IARS2: variants seen among roughly 807,000 people sequenced by gnomAD.
IARS2 encodes the protein isoleucine--tRNA ligase, mitochondrial.
A neutral mutation model predicts 126.3 loss-of-function variants in IARS2; 56 were observed. The ratio of observed to expected loss-of-function variants is 0.44; its 90% CI spans 0.36 to 0.55. The LOEUF is 0.55. Ranked by LOEUF, IARS2 falls within the 20% of genes least tolerant of loss-of-function variation. The pLI is 0.00. For missense variants in IARS2, 1,127 were observed against 1,245.9 expected, an observed-to-expected ratio of 0.90 and a Z score of 1.44; for synonymous variants, 407 against 441.1, an observed-to-expected ratio of 0.92 and a Z score of 0.97.
intron 14 of IARS2, among the ~76,000 whole-genome samples, chr1:220,129,913 T>G (rs894175709): frequency 6.6e-6 from 1 of 152,158 alleles, no homozygotes; most frequent in African/African-American, 2.4e-5. Context: ...TGTTTTTAGT[T>G]TTTTGAAAAG....
intron 11 of IARS2, 85 bp from the exon 12 acceptor site, chr1:220,114,229 G>A: frequency 8.0e-7 from 1 of 1,248,976 alleles, no homozygotes; most frequent in Non-Finnish European, 1.2e-6. Flanking sequence ...ACATCCAAAA[G>A]AAACAAATGC....
chr1:220,103,323 T>C, intron 7 of IARS2, 124 bp from the exon 8 acceptor site: 1 of 614,552 alleles, frequency 1.6e-6, no homozygotes, highest in Non-Finnish European at 2.9e-6. Flanking sequence ...GCTGGGATTA[T>C]AGACATGAGC....
chr1:220,111,602 G>A (rs373955033), intron 11 of IARS2, among the ~76,000 whole-genome samples: 141 of 132,954 alleles, frequency 1.1e-3, no homozygotes, highest in African/African-American at 3.3e-3. Flanking sequence ...ATATATATGT[G>A]TGTGTGTGTG....
intron 21 of IARS2, chr1:220,144,068 G>C: frequency 8.1e-7 from 1 of 1,239,332 alleles, no homozygotes; most frequent in Admixed American, 1.7e-5. Context: ...TGGCGGGATG[G>C]AAGCAGATTA....
chr1:220,101,473 A>C (rs978804846), intron 3 of IARS2, among the ~76,000 whole-genome samples: 5 of 152,020 alleles, frequency 3.3e-5, no homozygotes, highest in African/African-American at 9.7e-5. Flanking sequence ...AGGGAGGTGG[A>C]TCGATCACCT....
In IARS2 at chr1:220,132,527, T is replaced by C. The variant is rs544124249; in HGVS notation, c.1838-1875T>C. ...TGTTGTATGTCACCTTTCTCTCTCT[T>C]TTTTTTTTTTTTTTTTGAGATGGAG... On this transcript the variant is annotated intron_variant, in intron 14 of 22. Coordinates refer to ENST00000366922, the MANE Select transcript of IARS2 (RefSeq NM_018060.4). Among the ~76,000 whole-genome samples the C allele has an allele frequency of 6.5e-4, 94 of 144,732 alleles. 1 individual carries two copies. Among genetic ancestry groups the C allele is most frequent in the Admixed American group, 4.2e-3 (61 of 14,540 alleles). 94.9% of individuals were successfully genotyped at this position (144,732 alleles called of 152,430 possible).
chr1:220,113,843 A>G (rs926011502), intron 11 of IARS2, among the ~76,000 whole-genome samples: 71 of 152,166 alleles, frequency 4.7e-4, no homozygotes, highest in African/African-American at 4.8e-4. Context: ...GTTGTAAACT[A>G]TATTATGTAA....
chr1:220,139,168 A>G, intron 18 of IARS2, 29 bp downstream of exon 18: 1 of 1,583,870 alleles, frequency 6.3e-7, no homozygotes, highest in Non-Finnish European at 8.6e-7. Flanking sequence ...ACTTTTGGAA[A>G]CTAGAAATAT....
rs756801026 is a variant in IARS2, at chr1:220,102,708, T to C, written c.881T>C (p.Ile294Thr). 1.2e-6 allele frequency: 2 copies of C among 1,613,176 alleles called. No individual in the cohort carries two copies. The highest frequency in any genetic ancestry group is 1.7e-6 in the Non-Finnish European group (2 of 1,179,108). Residue 294 changes from isoleucine to threonine, a missense_variant, in exon 7 of 23, where the codon ATT (isoleucine) becomes ACT (threonine). Transcript: ENST00000366922. ...SLIDGSSPVS[I>T]LVWTTQPWTI... ...ACAGATGGTTCATCTCCTGTTAGTA[T>C]TTTGGTCTGGACCACACAACCTTGG...
Position 220,138,017 on chromosome 1 carries a change from A to G in IARS2, c.2149A>G (p.Asn717Asp). Residue 717 changes from asparagine to aspartate, a missense_variant, in exon 17 of 23, where the codon AAT becomes GAT. Coordinates refer to ENST00000366922, the MANE Select transcript of IARS2 (RefSeq NM_018060.4). ...TEVAIGPSVL[N>D]AARDDISKLR... ...AGTTGCAATTGGCCCATCCGTGCTC[A>G]ATGCTGCCAGAGATGATATTAGCAA... The G allele has an allele frequency of 6.2e-7, 1 of 1,614,176 alleles. No homozygotes were observed. Among genetic ancestry groups the G allele is most frequent in the Non-Finnish European group, 8.5e-7 (1 of 1,180,014 alleles).
In IARS2 at chr1:220,104,355, G is replaced by T. The variant is rs139500594; in HGVS notation, c.1066+793G>T. Among the ~76,000 whole-genome samples, 1,275 of 152,244 alleles carry T rather than the reference G, an allele frequency of 8.4e-3. 8 individuals carry two copies. Among genetic ancestry groups the T allele is most frequent in the Non-Finnish European group, 0.013 (912 of 68,006 alleles). On this transcript the variant is annotated intron_variant, in intron 8 of 22. Transcript: ENST00000366922. The stretch of plus-strand genomic sequence containing the variant: ...TGAAATATAATTATGGAAGTCTAGG[G>T]AAGTTTAAAATTAGCTTTTTGTTGT...
intron 11 of IARS2, among the ~76,000 whole-genome samples, chr1:220,113,810 T>C (rs1478070902): frequency 6.6e-6 from 1 of 152,182 alleles, no homozygotes; most frequent in East Asian, 1.9e-4. Context: ...TACTTGGGCT[T>C]ATTTTGAGAA....
chr1:220,137,797 A>G, intron 16 of IARS2, 121 bp from the exon 17 acceptor site: 3 of 997,600 alleles, frequency 3.0e-6, no homozygotes, highest in South Asian at 1.5e-5. Flanking sequence ...TTACAGTGCT[A>G]GTATAGTTTG....
chr1:220,131,635 A>G (rs1449705882), intron 14 of IARS2, among the ~76,000 whole-genome samples: 1 of 152,038 alleles, frequency 6.6e-6, no homozygotes, highest in African/African-American at 2.4e-5. Context: ...TACAGGCGTG[A>G]GCCACTCTGC....
intron 8 of IARS2, among the ~76,000 whole-genome samples, chr1:220,103,971 T>C (rs546352213): frequency 7.1e-4 from 108 of 152,308 alleles, no homozygotes; most frequent in Non-Finnish European, 1.2e-3. Context: ...CAAAGGAATT[T>C]TATTTTATTT....
intron 15 of IARS2, among the ~76,000 whole-genome samples, chr1:220,136,027 A>T (rs1038432590): frequency 6.6e-6 from 1 of 152,182 alleles, no homozygotes; most frequent in Non-Finnish European, 1.5e-5. Flanking sequence ...AAATCAGTAC[A>T]TAGCAGAAGC....
chr1:220,143,350 T>A, intron 21 of IARS2: 1 of 341,468 alleles, frequency 2.9e-6, no homozygotes, highest in Non-Finnish European at 5.3e-6. Context: ...AAAAAGTGTC[T>A]AAATTAAAAA....
intron 21 of IARS2, among the ~76,000 whole-genome samples, chr1:220,144,627 C>G (rs1291832704): frequency 1.3e-5 from 2 of 152,116 alleles, no homozygotes; most frequent in Non-Finnish European, 2.9e-5. Context: ...ACAGCCTAGT[C>G]CTGGCCTTTT....
chr1:220,100,721 A>C (rs911728999), intron 3 of IARS2, 72 bp downstream of exon 3: 13 of 1,179,626 alleles, frequency 1.1e-5, no homozygotes, highest in Non-Finnish European at 1.6e-5. Context: ...TCAGAACTTT[A>C]CCAAAGGAAC....
Sources: allele counts gnomAD v4.1 joint callset (sites outside exome capture counted in the v4.1 genomes callset), GRCh38; gene constraint gnomAD v4.1.1; transcripts MANE v1.5; gene names NCBI Gene and HGNC (gene_info 2026-07-23, HGNC 2026-07-21).